The following NR6A1 variants were observed in gnomAD, a reference collection of about 807,000 sequenced individuals.
The protein encoded by NR6A1 is nuclear receptor subfamily 6 group A member 1.
A neutral mutation model predicts 59.1 loss-of-function variants in NR6A1; 7 were observed. The observed-to-expected ratio is 0.12, with a 90% CI of 0.07 to 0.22. NR6A1 has a LOEUF of 0.22. Among genes scored for constraint, NR6A1 ranks in the 10% least tolerant of loss-of-function variants. NR6A1 has a pLI of 1.00. For synonymous variants in NR6A1, 243 were observed against 236.1 expected, an observed-to-expected ratio of 1.03 and a Z score of -0.27; for missense variants, 468 against 611.6, an observed-to-expected ratio of 0.77 and a Z score of 2.48.
intron 3 of NR6A1, 22 bp from the exon 4 acceptor site, chr9:124,543,879 G>C (rs781031115): frequency 6.2e-7 from 1 of 1,611,464 alleles, no homozygotes; most frequent in Admixed American, 1.7e-5. Flanking sequence ...GATAAGTCAA[G>C]AAAGGCAGTC....
chr9:124,706,793 G>C (rs1283008352), intron 2 of NR6A1, among the ~76,000 whole-genome samples: 3 of 152,188 alleles, frequency 2.0e-5, no homozygotes, highest in African/African-American at 7.2e-5. Flanking sequence ...TGATATTACA[G>C]GCGTGAGCCA....
chr9:124,686,864 CAG>C (rs1185751882), intron 2 of NR6A1, among the ~76,000 whole-genome samples: 1 of 151,890 alleles, frequency 6.6e-6, no homozygotes, highest in Non-Finnish European at 1.5e-5. Context: ...CCGCCACGCT[CAG>C]CTAATTTTTT....
rs570908637 is a variant in NR6A1 at position 124,538,411 on chromosome 9, T to C, written c.597-92A>G. 3.3e-6 allele frequency: 3 copies of C among 918,840 alleles called. No individual in the cohort carries two copies. The African/African-American group carries it at 4.9e-5, about 15-fold the overall frequency. 56.9% of individuals were successfully genotyped at this position (918,840 alleles called of 1,614,324 possible). A position where few individuals can be genotyped will look rare whatever the true frequency, so the allele number is the denominator to read the frequency against. On this transcript the variant is annotated intron_variant, in intron 5 of 9. Coordinates refer to ENST00000487099, the MANE Select transcript of NR6A1 (RefSeq NM_033334.4). Reference sequence around the variant, plus strand: ...CCAGAAGGTGACTTTAGGTATTCTTTGAACATGAGGTATGTGTCTTCATCA... The same window carrying C: ...CCAGAAGGTGACTTTAGGTATTCTTCGAACATGAGGTATGTGTCTTCATCA...
intron 2 of NR6A1, among the ~76,000 whole-genome samples, chr9:124,568,169 CAAAAAAAAAAA>C (rs34652433): frequency 6.9e-4 from 21 of 30,448 alleles, no homozygotes; most frequent in East Asian, 2.3e-3. Context: ...TACTTCATCT[CAAAAAAAAAAA>C]AAAAAAAAAA....
intron 2 of NR6A1, among the ~76,000 whole-genome samples, chr9:124,590,061 C>CAAAAAAAAAAAAAAAAAAAA (rs71372976): frequency 9.7e-5 from 3 of 30,894 alleles, no homozygotes; most frequent in African/African-American, 3.1e-4. Flanking sequence ...AAGACTCTGT[C>CAAAAAAAAAAAAAAAAAAAA]AAAAAAAAAA....
rs375281529 is a variant in NR6A1, at chr9:124,526,288, A to G, written c.1201+491T>C. Among the ~76,000 whole-genome samples the G allele has an allele frequency of 1.4e-3, 209 of 146,656 alleles. 1 individual carries two copies. The South Asian group carries it at 0.019, about 14-fold the overall frequency. ...CATGCTTGATTGTGTGTATGTGTGT[A>G]TGTGTGTGTGTGTGTGTGTGTGTGT... On this transcript the variant is annotated intron_variant, in intron 8 of 9. Coordinates refer to ENST00000487099, the MANE Select transcript of NR6A1 (RefSeq NM_033334.4).
At chr9:124,763,957 G>A (rs1017327333) in intron 1 of NR6A1, among the ~76,000 whole-genome samples, 1 of 152,136 alleles carries the variant, frequency 6.6e-6, no homozygotes, top group Non-Finnish European at 1.5e-5. Flanking sequence ...ACTGAGGCAC[G>A]TGGATCACTT....
At chr9:124,544,689 G>C (rs990143006) in intron 3 of NR6A1, among the ~76,000 whole-genome samples, 5 of 152,136 alleles carry the variant, frequency 3.3e-5, no homozygotes, top group African/African-American at 1.2e-4. Context: ...ATTTCCAAGC[G>C]GCTTAATCTG....
chr9:124,562,815 T>C (rs1834119330), intron 2 of NR6A1, among the ~76,000 whole-genome samples: 1 of 152,188 alleles, frequency 6.6e-6, no homozygotes, highest in African/African-American at 2.4e-5. Flanking sequence ...TTAGTAACAA[T>C]CTGAACCAGC....
intron 2 of NR6A1, among the ~76,000 whole-genome samples, chr9:124,725,139 G>A (rs1839674726): frequency 6.6e-6 from 1 of 152,116 alleles, no homozygotes; most frequent in African/African-American, 2.4e-5. Context: ...GGCAGACAGG[G>A]GTTATTTGGA....
chr9:124,678,889 C>G (rs1472456332), intron 2 of NR6A1, among the ~76,000 whole-genome samples: 1 of 152,112 alleles, frequency 6.6e-6, no homozygotes, highest in East Asian at 1.9e-4. Context: ...TAATAACTTT[C>G]TAGAAGCAAA....
chr9:124,574,392 T>C (rs1834531695), intron 2 of NR6A1, among the ~76,000 whole-genome samples: 1 of 152,212 alleles, frequency 6.6e-6, no homozygotes, highest in African/African-American at 2.4e-5. Context: ...AACTATAATA[T>C]TACTGAAGGA....
chr9:124,660,963 C>T (rs1170598234), intron 2 of NR6A1, among the ~76,000 whole-genome samples: 2 of 151,926 alleles, frequency 1.3e-5, no homozygotes, highest in Non-Finnish European at 2.9e-5. Flanking sequence ...TTTTAAAATT[C>T]CAAAAGAAAA....
Position 124,754,744 on chromosome 9 carries a change from T to C in NR6A1, c.100+16276A>G, listed in dbSNP as rs560387650. 6.0e-4 allele frequency among the ~76,000 whole-genome samples: 91 copies of C among 152,324 alleles called. 1 individual carries two copies. The South Asian group carries it at 0.018, about 30-fold the overall frequency. ...GGAAACTGGTTTTCAATGACTTGGA[T>C]TGTGGTAAACTGGTCTGCTGTACCT... On this transcript the variant is annotated intron_variant, in intron 1 of 9. Coordinates refer to ENST00000487099, the MANE Select transcript of NR6A1 (RefSeq NM_033334.4).
At chr9:124,687,657 G>C (rs2131010750) in intron 2 of NR6A1, among the ~76,000 whole-genome samples, 1 of 152,070 alleles carries the variant, frequency 6.6e-6, no homozygotes. Flanking sequence ...GATTCAGCAG[G>C]CTCCTTTATG....
rs78758881 is a variant in NR6A1 at position 124,527,497 on chromosome 9, C to T, written c.1080-597G>A. ...AAACGTTAACTGAGTTTCCATACCACGCCATCCTCTGTGCTGGGCACTTTG... is the reference window on the plus strand; with the variant it reads ...AAACGTTAACTGAGTTTCCATACCATGCCATCCTCTGTGCTGGGCACTTTG... On this transcript the variant is annotated intron_variant, in intron 7 of 9. Transcript: ENST00000487099. Among the ~76,000 whole-genome samples the T allele has an allele frequency of 4.6e-3, 702 of 152,314 alleles. 6 individuals are homozygous for T. The highest frequency in any genetic ancestry group is 0.016 in the African/African-American group (655 of 41,572).
intron 5 of NR6A1, among the ~76,000 whole-genome samples, chr9:124,539,457 T>C (rs914426934): frequency 6.6e-6 from 1 of 152,220 alleles, no homozygotes; most frequent in East Asian, 1.9e-4. Flanking sequence ...CAGAAAAAGT[T>C]TGTCAATCCA....
intron 3 of NR6A1, among the ~76,000 whole-genome samples, chr9:124,549,812 GAA>G (rs1833715440): frequency 6.6e-6 from 1 of 152,114 alleles, no homozygotes. Context: ...TCAAAACTAG[GAA>G]ATTAACCTTG....
intron 1 of NR6A1, among the ~76,000 whole-genome samples, chr9:124,758,122 A>AT (rs1017022749): frequency 6.6e-6 from 1 of 152,094 alleles, no homozygotes; most frequent in African/African-American, 2.4e-5. Flanking sequence ...GAAAGGGAAT[A>AT]TTTTTTTGTG....
Sources: allele counts gnomAD v4.1 joint callset (sites outside exome capture counted in the v4.1 genomes callset), GRCh38; gene constraint gnomAD v4.1.1; transcripts MANE v1.5; gene names NCBI Gene and HGNC (gene_info 2026-07-23, HGNC 2026-07-21).